The following ITGA8 variants were observed in gnomAD, a reference collection of about 807,000 sequenced individuals.
ITGA8 encodes integrin alpha-8.
ITGA8 carries 91 observed loss-of-function variants against 142.3 expected under a neutral mutation model. The observed-to-expected ratio is 0.64, with a 90% CI of 0.54 to 0.76. The LOEUF is 0.76. Among genes scored for constraint, ITGA8 ranks in the 30% least tolerant of loss-of-function variants. ITGA8 has a pLI of 0.00. For synonymous variants in ITGA8, 505 were observed against 485.2 expected, an observed-to-expected ratio of 1.04 and a Z score of -0.54; for missense variants, 1,406 against 1,327.7, an observed-to-expected ratio of 1.06 and a Z score of -0.92.
At chr10:15,669,510 C>G (rs778643248) in intron 8 of ITGA8, among the ~76,000 whole-genome samples, 13 of 152,214 alleles carry the variant, frequency 8.5e-5, no homozygotes, top group Non-Finnish European at 1.8e-4. Context: ...AAGCCTTCTT[C>G]TCTCAACTCA....
intron 2 of ITGA8, among the ~76,000 whole-genome samples, chr10:15,704,992 T>TTCG (rs1239648163): frequency 1.2e-4 from 6 of 48,590 alleles, no homozygotes; most frequent in African/African-American, 3.0e-4. Context: ...TATTATGGTT[T>TTCG]TTGTTGTTGT....
intron 21 of ITGA8, among the ~76,000 whole-genome samples, chr10:15,595,515 A>C (rs924428487): frequency 1.3e-5 from 2 of 152,206 alleles, no homozygotes; most frequent in Admixed American, 1.3e-4. Context: ...TCTAAAGACT[A>C]TTTGCTGGCA....
intron 3 of ITGA8, among the ~76,000 whole-genome samples, chr10:15,685,502 A>C (rs1834818553): frequency 6.6e-6 from 1 of 152,226 alleles, no homozygotes; most frequent in African/African-American, 2.4e-5. Context: ...AACATGTTGA[A>C]TTAAATGCAT....
At chr10:15,717,397 A>G (rs1468646678) in intron 2 of ITGA8, among the ~76,000 whole-genome samples, 2 of 152,194 alleles carry the variant, frequency 1.3e-5, no homozygotes, top group Non-Finnish European at 2.9e-5. Flanking sequence ...TTGTGTTTAA[A>G]TGTTTAATTC....
chr10:15,671,144 G>A (rs928116529), intron 8 of ITGA8, among the ~76,000 whole-genome samples: 3 of 152,192 alleles, frequency 2.0e-5, no homozygotes, highest in Non-Finnish European at 4.4e-5. Context: ...ACAGGAGATA[G>A]GGATTCGTTT....
chr10:15,707,961 G>GACACACACACAC (rs138462340), intron 2 of ITGA8, among the ~76,000 whole-genome samples: 1,745 of 144,928 alleles, frequency 0.012, 20 homozygotes, highest in Non-Finnish European at 0.019. Flanking sequence ...TGCACACACC[G>GACACACACACAC]ACACACACAC....
intron 2 of ITGA8, among the ~76,000 whole-genome samples, chr10:15,702,598 A>C (rs145554023): frequency 5.2e-4 from 79 of 152,194 alleles, no homozygotes; most frequent in African/African-American, 1.8e-3. Flanking sequence ...GCCCACGTGA[A>C]GATCTTGACC....
intron 13 of ITGA8, among the ~76,000 whole-genome samples, chr10:15,622,823 A>G (rs1021685907): frequency 5.9e-5 from 9 of 152,246 alleles, no homozygotes; most frequent in Non-Finnish European, 1.2e-4. Flanking sequence ...GCCATTTCAC[A>G]TAAAAATAAA....
chr10:15,646,110 A>C (rs375175724), intron 12 of ITGA8, among the ~76,000 whole-genome samples: 8 of 152,192 alleles, frequency 5.3e-5, no homozygotes, highest in Admixed American at 2.6e-4. Flanking sequence ...CATCAATTTT[A>C]AAAATAATTC....
intron 14 of ITGA8, 44 bp downstream of exon 14, chr10:15,616,470 T>C (rs756193094): frequency 3.5e-6 from 5 of 1,448,576 alleles, no homozygotes; most frequent in Non-Finnish European, 4.8e-6. Flanking sequence ...AGAAAATGTA[T>C]TTGAAACAAT....
Position 15,632,964 on chromosome 10 carries a change from C to T in ITGA8, c.1399+11066G>A, listed in dbSNP as rs7907726. Among the ~76,000 whole-genome samples, 808 of 152,208 alleles carry T rather than the reference C, an allele frequency of 5.3e-3. 6 individuals are homozygous for T. The highest frequency in any genetic ancestry group is 0.018 in the African/African-American group (766 of 41,516). ...CTGCCCTGGCCTTGCTGCTACATCACGTGGTTCATCTCATTATCCTCCCCT... is the reference window on the plus strand; with the variant it reads ...CTGCCCTGGCCTTGCTGCTACATCATGTGGTTCATCTCATTATCCTCCCCT... On this transcript the variant is annotated intron_variant, in intron 13 of 29. Coordinates refer to ENST00000378076, the MANE Select transcript of ITGA8 (RefSeq NM_003638.3).
intron 12 of ITGA8, 70 bp from the exon 13 acceptor site, chr10:15,644,291 A>G: frequency 7.1e-7 from 1 of 1,411,288 alleles, no homozygotes; most frequent in East Asian, 2.5e-5. Flanking sequence ...TTTTAGAGAC[A>G]GGACCTTACT....
chr10:15,613,804 C>T (rs1223184323), intron 14 of ITGA8, 37 bp from the exon 15 acceptor site: 2 of 1,456,434 alleles, frequency 1.4e-6, no homozygotes, highest in Non-Finnish European at 1.9e-6. Flanking sequence ...TTAAATAAAA[C>T]ACAAGGGTGA....
chr10:15,701,160 A>G (rs550115743), intron 2 of ITGA8, among the ~76,000 whole-genome samples: 2 of 152,234 alleles, frequency 1.3e-5, no homozygotes, highest in South Asian at 2.1e-4. Flanking sequence ...CAAATATTCT[A>G]TGCATGGATG....
At chr10:15,719,108 C>G (rs1835508801) in intron 1 of ITGA8, among the ~76,000 whole-genome samples, 1 of 152,166 alleles carries the variant, frequency 6.6e-6, no homozygotes, top group South Asian at 2.1e-4. Flanking sequence ...TCCTGCTTCT[C>G]TAGGTGGAGC....
intron 25 of ITGA8, among the ~76,000 whole-genome samples, chr10:15,561,562 C>G (rs1314694739): frequency 1.3e-5 from 2 of 152,056 alleles, no homozygotes; most frequent in Non-Finnish European, 2.9e-5. Context: ...AATTACTGCA[C>G]TTACTGTTTG....
At position 15,660,962 on chromosome 10, in the gene ITGA8, C is replaced by T. The variant is rs751315958; in HGVS notation, c.848-40G>A. ...AGCCATTTAGAAGGGGAATTACTCA[C>T]ACACACAAACACACACACACACGCC... On this transcript the variant is annotated intron_variant, in intron 8 of 29. Transcript: ENST00000378076. 11 of 1,402,026 alleles carry T rather than the reference C, an allele frequency of 7.8e-6. No individual in the cohort carries two copies. The Admixed American group carries it at 1.0e-4, about 13-fold the overall frequency. The allele number at this position is 1,402,026 out of a possible 1,614,324, so 86.8% of individuals were successfully genotyped here. A position where few individuals can be genotyped will look rare whatever the true frequency, so the allele number is the denominator to read the frequency against.
chr10:15,566,530 G>GC (rs753135360), intron 25 of ITGA8, among the ~76,000 whole-genome samples: 12 of 152,046 alleles, frequency 7.9e-5, no homozygotes, highest in Admixed American at 2.6e-4. Context: ...AAAATCCTAG[G>GC]CCGGGCATGG....
chr10:15,559,458 G>C (rs1298986880), intron 25 of ITGA8, among the ~76,000 whole-genome samples: 1 of 152,174 alleles, frequency 6.6e-6, no homozygotes, highest in Non-Finnish European at 1.5e-5. Flanking sequence ...AGCCTCCCAG[G>C]AAACAGAGAG....
Sources: allele counts gnomAD v4.1 joint callset (sites outside exome capture counted in the v4.1 genomes callset), GRCh38; gene constraint gnomAD v4.1.1; transcripts MANE v1.5; gene names NCBI Gene and HGNC (gene_info 2026-07-23, HGNC 2026-07-21).